NALCN: variants seen among roughly 807,000 people sequenced by gnomAD.
The protein encoded by NALCN is sodium leak channel NALCN.
NALCN carries 111 observed loss-of-function variants against 225.3 expected under a neutral mutation model. The observed-to-expected ratio is 0.49, with a 90% confidence interval of 0.42 to 0.58. The LOEUF is 0.58. Among genes scored for constraint, NALCN ranks in the 20% least tolerant of loss-of-function variants. NALCN has a pLI of 0.00. For missense variants in NALCN, 1,378 were observed against 2,202.4 expected, an observed-to-expected ratio of 0.63 and a Z score of 7.49; for synonymous variants, 764 against 769.0, an observed-to-expected ratio of 0.99 and a Z score of 0.11.
chr13:101,305,294 C>G (rs1420182996), intron 7 of NALCN, among the ~76,000 whole-genome samples: 1 of 152,166 alleles, frequency 6.6e-6, no homozygotes, highest in Non-Finnish European at 1.5e-5. Flanking sequence ...CTGGTGGTTA[C>G]TTATTGGTTG....
intron 28 of NALCN, among the ~76,000 whole-genome samples, chr13:101,092,816 C>T (rs1192676438): frequency 6.6e-6 from 1 of 152,156 alleles, no homozygotes; most frequent in Admixed American, 6.6e-5. Flanking sequence ...TAGAACATAT[C>T]ACAGTGTAGC....
At chr13:101,380,857 A>AACACAC (rs58640505) in intron 3 of NALCN, among the ~76,000 whole-genome samples, 6,258 of 145,618 alleles carry the variant, frequency 0.043, 168 homozygotes, top group African/African-American at 0.079. Context: ...ATGCCTAGCT[A>AACACAC]ACACACACAC....
intron 18 of NALCN, among the ~76,000 whole-genome samples, chr13:101,119,900 G>T (rs541049974): frequency 9.7e-4 from 148 of 152,210 alleles, no homozygotes; most frequent in African/African-American, 3.4e-3. Flanking sequence ...TGGGCCAGTA[G>T]CCTCAAGTTC....
intron 17 of NALCN, among the ~76,000 whole-genome samples, chr13:101,130,800 TTGTC>T (rs2036480025): frequency 6.6e-6 from 1 of 152,184 alleles, no homozygotes; most frequent in East Asian, 1.9e-4. Context: ...GACCTGTCAT[TTGTC>T]TGGTGTATGT....
intron 7 of NALCN, among the ~76,000 whole-genome samples, chr13:101,305,501 C>G (rs750419704): frequency 5.9e-5 from 9 of 152,270 alleles, no homozygotes; most frequent in Non-Finnish European, 1.0e-4. Context: ...ATTTTTCCAG[C>G]CTTTTAACCC....
chr13:101,125,841 T>C (rs2036202106), intron 17 of NALCN, among the ~76,000 whole-genome samples: 1 of 152,146 alleles, frequency 6.6e-6, no homozygotes, highest in Non-Finnish European at 1.5e-5. Flanking sequence ...ACAGGGCAAG[T>C]TAATTTGGTA....
intron 10 of NALCN, among the ~76,000 whole-genome samples, chr13:101,276,062 CAAAAAAAAAA>C (rs59471123): frequency 3.6e-5 from 3 of 84,312 alleles, no homozygotes; most frequent in Middle Eastern, 6.6e-3. Flanking sequence ...GACTCCTTCT[CAAAAAAAAAA>C]AAAAAAAAAA....
chr13:101,400,597 G>GCACA (rs1566655268), intron 1 of NALCN, among the ~76,000 whole-genome samples: 6 of 151,254 alleles, frequency 4.0e-5, no homozygotes, highest in African/African-American at 1.5e-4. Context: ...GTGTGCGCGC[G>GCACA]CACACAGATG....
chr13:101,143,881 T>C (rs1260540320), intron 16 of NALCN, among the ~76,000 whole-genome samples: 1 of 152,250 alleles, frequency 6.6e-6, no homozygotes, highest in Admixed American at 6.5e-5. Context: ...GAGAGAATTT[T>C]ACATTTTAAG....
At chr13:101,142,549 G>A (rs1200656851) in intron 17 of NALCN, among the ~76,000 whole-genome samples, 2 of 151,856 alleles carry the variant, frequency 1.3e-5, no homozygotes, top group Non-Finnish European at 2.9e-5. Context: ...ACTTTGCTGT[G>A]GAATCTGAAA....
At chr13:101,077,978 AG>A in intron 34 of NALCN, among the ~76,000 whole-genome samples, 1 of 152,200 alleles carries the variant, frequency 6.6e-6, no homozygotes, top group Non-Finnish European at 1.5e-5. Context: ...CATGGCTAAA[AG>A]GTGCCAATAT....
intron 7 of NALCN, among the ~76,000 whole-genome samples, chr13:101,313,029 A>G (rs1466673835): frequency 4.6e-5 from 7 of 152,318 alleles, no homozygotes; most frequent in African/African-American, 1.4e-4. Flanking sequence ...ATAATGCCAC[A>G]TATCTACAAC....
At position 101,237,794 on chromosome 13, in the gene NALCN, T is replaced by C; in HGVS notation, c.1395A>G (p.Val465=). The C allele has an allele frequency of 6.2e-7, 1 of 1,606,382 alleles. No homozygotes were observed. The highest frequency in any genetic ancestry group is 1.1e-5 in the South Asian group (1 of 89,556). ...LLLVIGTTLH[V]YPDLYHSQFT... ...ATTGTGAATGATAAAGATCTGGGTA[T>C]ACATGAAGAGTAGTTCCAATTACGA... Residue 465 remains valine (V), a synonymous_variant, in exon 12 of 44, where the codon GTA becomes GTG. Coordinates refer to ENST00000251127, the MANE Select transcript of NALCN (RefSeq NM_052867.4).
At chr13:101,373,537 GAAC>G (rs933344273) in intron 6 of NALCN, among the ~76,000 whole-genome samples, 2 of 152,074 alleles carry the variant, frequency 1.3e-5, no homozygotes, top group Non-Finnish European at 2.9e-5. Flanking sequence ...TACATTAACT[GAAC>G]AAAACGGAAA....
At chr13:101,376,570 A>G in intron 6 of NALCN, 130 bp downstream of exon 6, 7 of 793,466 alleles carry the variant, frequency 8.8e-6, no homozygotes, top group Non-Finnish European at 1.3e-5. Flanking sequence ...ATACCGAGGA[A>G]GCAGAGACAC....
chr13:101,154,776 G>A (rs1282034913), intron 15 of NALCN, among the ~76,000 whole-genome samples: 3 of 152,140 alleles, frequency 2.0e-5, no homozygotes, highest in Non-Finnish European at 4.4e-5. Flanking sequence ...TTTTCTTAGA[G>A]CCTTTACAAT....
intron 1 of NALCN, among the ~76,000 whole-genome samples, chr13:101,407,362 G>A (rs1320080987): frequency 6.6e-6 from 1 of 152,130 alleles, no homozygotes; most frequent in Non-Finnish European, 1.5e-5. Context: ...TCCTCTGTCT[G>A]GGACTTTGCA....
At chr13:101,367,113 C>A (rs770683851) in intron 6 of NALCN, among the ~76,000 whole-genome samples, 20 of 151,662 alleles carry the variant, frequency 1.3e-4, no homozygotes, top group Admixed American at 7.2e-4. Flanking sequence ...GACAGAATTT[C>A]TTTTTTTATT....
At chr13:101,307,883 C>A (rs1265739965) in intron 7 of NALCN, among the ~76,000 whole-genome samples, 1 of 152,122 alleles carries the variant, frequency 6.6e-6, no homozygotes, top group Non-Finnish European at 1.5e-5. Context: ...ATTTAAAAAG[C>A]AGCAAGATTT....
Sources: gnomAD v4.1 joint callset for allele counts (sites outside exome capture counted in the v4.1 genomes callset) on GRCh38, gnomAD v4.1.1 for gene constraint, MANE v1.5 for transcripts, NCBI Gene and HGNC (gene_info 2026-07-23, HGNC 2026-07-21) for gene names.